PRKN: variants seen among roughly 807,000 people sequenced by gnomAD.
The protein encoded by PRKN is parkin RBR E3 ubiquitin protein ligase.
PRKN carries 56 observed loss-of-function variants against 59.5 expected under a neutral mutation model. The ratio of observed to expected loss-of-function variants is 0.94; its 90% CI spans 0.76 to 1.18. The LOEUF (loss-of-function observed/expected upper bound fraction) is 1.18. Ranked by LOEUF, PRKN falls within the 50% of genes most tolerant of loss-of-function variation. The pLI, the probability that PRKN is intolerant of heterozygous loss-of-function variation, is 0.00. For synonymous variants in PRKN, 250 were observed against 222.1 expected, an observed-to-expected ratio of 1.13 and a Z score of -1.12; for missense variants, 657 against 596.4, an observed-to-expected ratio of 1.10 and a Z score of -1.06.
chr6:161,793,067 C>T (rs188223378), intron 6 of PRKN, among the ~76,000 whole-genome samples: 185 of 152,288 alleles, frequency 1.2e-3, no homozygotes, highest in Non-Finnish European at 2.2e-3. Flanking sequence ...CCACGTGGGT[C>T]GTATGAGTTC....
chr6:162,702,700 T>C (rs1172449005), intron 1 of PRKN, among the ~76,000 whole-genome samples: 1 of 152,206 alleles, frequency 6.6e-6, no homozygotes, highest in Non-Finnish European at 1.5e-5. Flanking sequence ...CTTAAATTGG[T>C]TTACAGCAGG....
At chr6:161,832,244 T>C (rs778683588) in intron 6 of PRKN, among the ~76,000 whole-genome samples, 1 of 152,218 alleles carries the variant, frequency 6.6e-6, no homozygotes, top group African/African-American at 2.4e-5. Flanking sequence ...TGGGGACCCA[T>C]AGAACCACGT....
At chr6:161,827,774 C>G (rs1020779108) in intron 6 of PRKN, among the ~76,000 whole-genome samples, 1 of 152,156 alleles carries the variant, frequency 6.6e-6, no homozygotes, top group African/African-American at 2.4e-5. Context: ...TCCCAAAGTT[C>G]TGGGATTACA....
chr6:162,050,825 C>T (rs1777607098), intron 5 of PRKN, among the ~76,000 whole-genome samples: 1 of 152,116 alleles, frequency 6.6e-6, no homozygotes. Context: ...CTCCCACCTC[C>T]CCCCAATCAC....
chr6:162,622,303 GT>G (rs1491538382), intron 1 of PRKN, among the ~76,000 whole-genome samples: 18 of 127,848 alleles, frequency 1.4e-4, no homozygotes, highest in South Asian at 2.9e-4. Flanking sequence ...TTTTTTTTTT[GT>G]TTTGTTTTTT....
chr6:161,766,048 C>G (rs1330756502), intron 7 of PRKN, among the ~76,000 whole-genome samples: 1 of 152,122 alleles, frequency 6.6e-6, no homozygotes. Flanking sequence ...TAGTTTCCCT[C>G]TATGTTAATA....
intron 1 of PRKN, among the ~76,000 whole-genome samples, chr6:162,621,194 C>T (rs1464667247): frequency 6.6e-6 from 1 of 152,112 alleles, no homozygotes; most frequent in African/African-American, 2.4e-5. Flanking sequence ...CCAATTTGTG[C>T]CTAGCTTTGG....
intron 7 of PRKN, among the ~76,000 whole-genome samples, chr6:161,778,968 T>A (rs112727174): frequency 0.063 from 9,517 of 152,200 alleles, 949 homozygotes; most frequent in African/African-American, 0.21. Context: ...TTTTTGAGAC[T>A]GAGTCTTGCT....
intron 1 of PRKN, chr6:162,727,357 CG>C (rs1779302472): frequency 5.6e-6 from 2 of 356,050 alleles, no homozygotes; most frequent in African/African-American, 4.5e-5. Context: ...GGACCCCACA[CG>C]GTCCGGGGGA....
At chr6:161,697,860 T>C (rs769845278) in intron 7 of PRKN, among the ~76,000 whole-genome samples, 15 of 152,208 alleles carry the variant, frequency 9.9e-5, no homozygotes, top group Non-Finnish European at 1.8e-4. Context: ...TCCATGTTCA[T>C]GTAGGCCATT....
chr6:161,862,162 C>A (rs1269171108), intron 6 of PRKN, among the ~76,000 whole-genome samples: 1 of 152,100 alleles, frequency 6.6e-6, no homozygotes, highest in African/African-American at 2.4e-5. Flanking sequence ...TGCAAAGACG[C>A]TTTTTCCACA....
At chr6:162,197,395 C>A (rs1383208451) in intron 4 of PRKN, among the ~76,000 whole-genome samples, 1 of 152,048 alleles carries the variant, frequency 6.6e-6, no homozygotes, top group African/African-American at 2.4e-5. Context: ...GATCTAGTTA[C>A]TGTACTAAAA....
chr6:162,514,346 C>T (rs1777756141), intron 1 of PRKN, among the ~76,000 whole-genome samples: 2 of 151,434 alleles, frequency 1.3e-5, no homozygotes, highest in Non-Finnish European at 1.5e-5. Context: ...TTTTCAAAGA[C>T]AGATAATAAG....
intron 5 of PRKN, among the ~76,000 whole-genome samples, chr6:162,025,977 C>G (rs1293444557): frequency 1.3e-5 from 2 of 152,006 alleles, no homozygotes; most frequent in African/African-American, 2.4e-5. Flanking sequence ...TTGCAAACCA[C>G]TATTGCAGTC....
intron 7 of PRKN, among the ~76,000 whole-genome samples, chr6:161,589,440 T>C (rs1160288483): frequency 6.6e-6 from 1 of 152,204 alleles, no homozygotes; most frequent in Non-Finnish European, 1.5e-5. Flanking sequence ...GAGGAGTATC[T>C]GTATTCGATG....
At chr6:162,252,591 T>C (rs1209657782) in intron 3 of PRKN, among the ~76,000 whole-genome samples, 2 of 152,198 alleles carry the variant, frequency 1.3e-5, no homozygotes. Flanking sequence ...ATACGTGCTC[T>C]TACAGAAGAT....
At chr6:162,283,456 C>T (rs541769301) in intron 2 of PRKN, among the ~76,000 whole-genome samples, 4 of 152,076 alleles carry the variant, frequency 2.6e-5, no homozygotes, top group South Asian at 2.1e-4. Flanking sequence ...CCTTCTGAGA[C>T]GACAAGAGAG....
At chr6:162,054,018 T>C in intron 5 of PRKN, 73 bp downstream of exon 5, 1 of 995,624 alleles carries the variant, frequency 1.0e-6, no homozygotes, top group Non-Finnish European at 1.6e-6. Context: ...ATTTTGTCTC[T>C]AATTTCCTGG....
intron 5 of PRKN, among the ~76,000 whole-genome samples, chr6:161,999,415 C>G (rs564471877): frequency 1.6e-4 from 24 of 152,190 alleles, no homozygotes; most frequent in Admixed American, 8.5e-4. Context: ...CTCGGAATTG[C>G]TCCACAATTC....
Sources: gnomAD v4.1 joint callset for allele counts (sites outside exome capture counted in the v4.1 genomes callset) on GRCh38, gnomAD v4.1.1 for gene constraint, MANE v1.5 for transcripts, NCBI Gene and HGNC (gene_info 2026-07-23, HGNC 2026-07-21) for gene names.